SPINK5: variants seen among roughly 807,000 people sequenced by gnomAD.
SPINK5 encodes the protein serine protease inhibitor Kazal-type 5.
Under a neutral mutation model 151.8 loss-of-function variants are expected in SPINK5, and 125 were observed. The observed-to-expected ratio is 0.82, with a 90% CI of 0.71 to 0.96. The LOEUF is 0.96. Among genes scored for constraint, SPINK5 ranks in the 40% least tolerant of loss-of-function variants. The probability of loss-of-function intolerance (pLI) is 0.00; values close to 1 mark genes in which losing one functional copy is unlikely to be tolerated. For missense variants in SPINK5, 1,194 were observed against 1,291.9 expected (o/e 0.92, Z 1.16); for synonymous variants, 374 against 395.3 (o/e 0.95, Z 0.64).
Position 148,101,876 on chromosome 5 carries a change from T to A in SPINK5, c.1398T>A (p.His466Gln). 1 of 1,613,760 alleles carries A rather than the reference T, an allele frequency of 6.2e-7. No individual in the cohort carries two copies. Among genetic ancestry groups the A allele is most frequent in the Non-Finnish European group, 8.5e-7 (1 of 1,179,744 alleles). The change falls in exon 15 of 33, where the codon CAT becomes CAA. Residue 466 changes from histidine to glutamine, a missense_variant. Transcript: ENST00000256084. ...DPIQGPDGKM[H>Q]GNTCSMCEAF... ...TCCAGGGCCCAGATGGAAAAATGCA[T>A]GGCAACACCTGCTCCATGTGTGAGG...
chr5:148,096,477 G>C (rs1419894694), intron 10 of SPINK5, among the ~76,000 whole-genome samples: 1 of 151,828 alleles, frequency 6.6e-6, no homozygotes, highest in Non-Finnish European at 1.5e-5. Context: ...CCTCCATGTT[G>C]TTTTCATATG....
chr5:148,129,415 TTAG>T (rs1342682803), intron 30 of SPINK5, among the ~76,000 whole-genome samples: 22 of 152,276 alleles, frequency 1.4e-4, no homozygotes, highest in Non-Finnish European at 2.5e-4. Flanking sequence ...TTATACCATG[TTAG>T]TAGTGGTGGA....
intron 23 of SPINK5, among the ~76,000 whole-genome samples, 185 bp from the exon 24 acceptor site, chr5:148,118,801 T>C (rs1282382849): frequency 6.6e-6 from 1 of 152,214 alleles, no homozygotes; most frequent in African/African-American, 2.4e-5. Flanking sequence ...CTAAGTGCTA[T>C]CATGATAGAC....
intron 31 of SPINK5, among the ~76,000 whole-genome samples, chr5:148,133,070 T>C (rs1284237121): frequency 6.6e-6 from 1 of 152,150 alleles, no homozygotes; most frequent in East Asian, 1.9e-4. Context: ...TTAAGGGAAA[T>C]TTAGCATAAG....
intron 4 of SPINK5, among the ~76,000 whole-genome samples, chr5:148,079,256 A>G (rs925433003): frequency 4.6e-5 from 7 of 151,230 alleles, no homozygotes; most frequent in African/African-American, 4.8e-5. Context: ...GACTTACAGC[A>G]TAAGTAAAGA....
intron 11 of SPINK5, among the ~76,000 whole-genome samples, chr5:148,098,427 A>G (rs1234762701): frequency 6.6e-6 from 1 of 152,162 alleles, no homozygotes; most frequent in Non-Finnish European, 1.5e-5. Flanking sequence ...ATTTTATGTA[A>G]TGCAATATTT....
intron 22 of SPINK5, among the ~76,000 whole-genome samples, chr5:148,116,707 C>T (rs893351878): frequency 2.0e-5 from 3 of 152,202 alleles, no homozygotes; most frequent in African/African-American, 7.2e-5. Flanking sequence ...GTCTCCTGAG[C>T]CCTCTTTATG....
At position 148,064,074 on chromosome 5, in the gene SPINK5, G is replaced by C. The variant is rs960102038; in HGVS notation, c.30G>C (p.Leu10=). 1.2e-6 allele frequency: 2 copies of C among 1,614,106 alleles called. No homozygotes were observed. Among genetic ancestry groups the C allele is most frequent in the East Asian group, 2.2e-5 (1 of 44,870 alleles). MKIATVSVL[L]PLALCLIQDA... ...AGATAGCCACAGTGTCAGTGCTTCT[G>C]CCCTTGGCTCTTTGCCTCATACAAG... is the stretch of plus-strand genomic sequence containing the variant. Residue 10 remains leucine, a synonymous_variant, in exon 1 of 33, where the codon CTG becomes CTC. Coordinates refer to ENST00000256084, the MANE Select transcript of SPINK5 (RefSeq NM_006846.4).
chr5:148,127,031 T>C lies in SPINK5; in HGVS notation c.2916T>C (p.His972=), dbSNP rs760139077. 5 of 1,613,652 alleles carry C rather than the reference T, an allele frequency of 3.1e-6. No homozygotes were observed. In the African/African-American group the frequency reaches 4.0e-5, roughly 13 times the overall value. Residue 972 remains histidine, a synonymous_variant, in exon 30 of 33, where the codon CAT becomes CAC. Coordinates refer to ENST00000256084, the MANE Select transcript of SPINK5 (RefSeq NM_006846.4). ...CAAAGCTTCAAGAAAAGCCATCCCA[T>C]GTTAGAGCTTCTCAAGAGGAAGACA... ...ERAKLQEKPS[H]VRASQEEDSP...
chr5:148,094,555 A>T, intron 9 of SPINK5, 74 bp downstream of exon 9: 1 of 1,607,994 alleles, frequency 6.2e-7, no homozygotes, highest in Non-Finnish European at 8.5e-7. Context: ...ATGAGTAAAA[A>T]TAACTTTGAA....
intron 22 of SPINK5, among the ~76,000 whole-genome samples, 176 bp downstream of exon 22, chr5:148,116,642 A>C (rs1039905393): frequency 6.6e-6 from 1 of 152,152 alleles, no homozygotes; most frequent in Non-Finnish European, 1.5e-5. Flanking sequence ...TCTGGGGTTC[A>C]TTTGGATTTC....
At position 148,063,980 on chromosome 5, in the gene SPINK5, AG is replaced by A; in HGVS notation, c.-64del. 1 of 1,572,798 alleles carries A rather than the reference AG, an allele frequency of 6.4e-7. No individual in the cohort carries two copies. Among genetic ancestry groups the A allele is most frequent in the Non-Finnish European group, 8.8e-7 (1 of 1,142,654 alleles). Reference sequence around the variant, plus strand: ...AAGTAAACTGCATCGCCCCGAGTTCAGTCATACTGCACCAGCTGAGCAATGC... The same window carrying A: ...AAGTAAACTGCATCGCCCCGAGTTCATCATACTGCACCAGCTGAGCAATGC... On this transcript the variant is annotated 5_prime_UTR_variant, in exon 1 of 33. Transcript: ENST00000256084.
intron 13 of SPINK5, among the ~76,000 whole-genome samples, chr5:148,100,993 C>A (rs1862446): frequency 0.75 from 114,576 of 152,044 alleles, 44,381 homozygotes; most frequent in African/African-American, 0.93. Context: ...AGGATGATAT[C>A]AGTACAGACT....
In SPINK5 at chr5:148,089,666, G is replaced by A. The variant is rs149866253; in HGVS notation, c.602+45G>A. 515 of 1,610,610 alleles carry A rather than the reference G, an allele frequency of 3.2e-4. 2 individuals carry two copies. The African/African-American group carries it at 6.1e-3, about 19-fold the overall frequency. On this transcript the variant is annotated intron_variant, in intron 7 of 32. Coordinates refer to ENST00000256084, the MANE Select transcript of SPINK5 (RefSeq NM_006846.4). Reference sequence around the variant, plus strand: ...GGTGGACTTGATGATGATGCACTTGGTTGCTGTCCCGAGAATCACTCAGCA... The same window carrying A: ...GGTGGACTTGATGATGATGCACTTGATTGCTGTCCCGAGAATCACTCAGCA...
In SPINK5 at chr5:148,137,093, A is replaced by C. The variant is rs1056682818; in HGVS notation, c.*102A>C. 6.8e-7 allele frequency: 1 copy of C among 1,480,792 alleles called. No homozygotes were observed. Among genetic ancestry groups the C allele is most frequent in the African/African-American group, 1.4e-5 (1 of 71,632 alleles). 91.7% of individuals were successfully genotyped at this position (1,480,792 alleles called of 1,614,324 possible). ...CAAAGAATTCTTCGGAGCTTGTCTT[A>C]TTTGCTATAGAAAACAATACAGAGC... is the stretch of plus-strand genomic sequence containing the variant. On this transcript the variant is annotated 3_prime_UTR_variant, in exon 33 of 33. Transcript: ENST00000256084.
intron 4 of SPINK5, among the ~76,000 whole-genome samples, chr5:148,082,532 G>T (rs1313845314): frequency 6.7e-6 from 1 of 149,392 alleles, no homozygotes; most frequent in East Asian, 2.0e-4. Flanking sequence ...ATGTAGTATT[G>T]ATTATTTGTT....
chr5:148,087,996 CTTT>C (rs1200172062), intron 5 of SPINK5, among the ~76,000 whole-genome samples: 1 of 151,398 alleles, frequency 6.6e-6, no homozygotes, highest in Non-Finnish European at 1.5e-5. Flanking sequence ...TCTGCTTTAA[CTTT>C]TTACAAATTA....
At position 148,089,550 on chromosome 5, in the gene SPINK5, G is replaced by A. The variant is rs35121983; in HGVS notation, c.531G>A (p.Arg177=). 0.023 allele frequency: 36,934 copies of A among 1,612,058 alleles called. 833 individuals carry two copies. The highest frequency in any genetic ancestry group is 0.093 in the South Asian group (8,493 of 91,050). The change falls in exon 7 of 33, where the codon AGG becomes AGA. Residue 177 remains arginine, a synonymous_variant. Coordinates refer to ENST00000256084, the MANE Select transcript of SPINK5 (RefSeq NM_006846.4). ...FVRDGRLGCT[R]ENDPVLGPDG... ...GAGATGGAAGACTTGGATGCACAAGGGAAAATGATCCTGTTCTTGGTCCTG... is the reference window on the plus strand; with the variant it reads ...GAGATGGAAGACTTGGATGCACAAGAGAAAATGATCCTGTTCTTGGTCCTG...
Position 148,112,942 on chromosome 5 carries a change from T to A in SPINK5, c.1887+8T>A, listed in dbSNP as rs766056731. On this transcript the variant is annotated splice_region_variant and intron_variant, in intron 20 of 32. Coordinates refer to ENST00000256084, the MANE Select transcript of SPINK5 (RefSeq NM_006846.4). ...AAAAGAGAAGCTGAAAAGGTAGTAA[T>A]CCTGAATGTTTATACTGCAATGAAA... 3 of 1,613,358 alleles carry A rather than the reference T, an allele frequency of 1.9e-6. No individual in the cohort carries two copies. Among genetic ancestry groups the A allele is most frequent in the Non-Finnish European group, 2.5e-6 (3 of 1,179,728 alleles).
Sources: allele counts gnomAD v4.1 joint callset (sites outside exome capture counted in the v4.1 genomes callset), GRCh38; gene constraint gnomAD v4.1.1; transcripts MANE v1.5; gene names NCBI Gene and HGNC (gene_info 2026-07-23, HGNC 2026-07-21).